The following SYNE2 variants were observed in gnomAD, a reference collection of about 807,000 sequenced individuals.
SYNE2 encodes the protein spectrin repeat containing nuclear envelope protein 2, also known as nesprin-2.
SYNE2 carries 431 observed loss-of-function variants against 856.3 expected under a neutral mutation model. The ratio of observed to expected loss-of-function variants is 0.50; its 90% confidence interval spans 0.47 to 0.55. The LOEUF is 0.55. SYNE2 is among the 20% of genes least tolerant of loss of function. The pLI, the probability that SYNE2 is intolerant of heterozygous loss-of-function variation, is 0.00. For missense variants in SYNE2, 8,129 were observed against 8,023.2 expected, an observed-to-expected ratio of 1.01 and a Z score of -0.50; for synonymous variants, 2,923 against 2,872.3, an observed-to-expected ratio of 1.02 and a Z score of -0.56.
Position 64,003,293 on chromosome 14 carries a change from G to C in SYNE2, c.4360G>C (p.Gly1454Arg). 1 of 1,614,052 alleles carries C rather than the reference G, an allele frequency of 6.2e-7. No individual in the cohort carries two copies. The highest frequency in any genetic ancestry group is 8.5e-7 in the Non-Finnish European group (1 of 1,179,992). ...TGTGCAGAGTCAAATCAGTAAAATT[G>C]GTCTTAAGGATCCTACTGTTCCAGC... Reference protein sequence around the residue: ...QDVQSQISKIGLKDPTVPAVK... With the variant: ...QDVQSQISKIRLKDPTVPAVK... Residue 1454 changes from glycine to arginine, a missense_variant, in exon 30 of 116, where the codon GGT (glycine) becomes CGT (arginine). By Grantham distance (125) the Gly-to-Arg change is moderately radical. This residue lies in a region of SYNE2 where 2,422 missense variants were observed against 2,357.4 expected (regional missense o/e 1.03). Transcript: ENST00000555002.
intron 44 of SYNE2, among the ~76,000 whole-genome samples, chr14:64,030,399 T>G (rs2097023893): frequency 1.3e-5 from 2 of 152,228 alleles, no homozygotes; most frequent in Non-Finnish European, 2.9e-5. Context: ...AGTGAATGCT[T>G]CTTGTGTAGC....
At chr14:64,054,967 G>A (rs1007846236) in intron 48 of SYNE2, among the ~76,000 whole-genome samples, 3 of 152,180 alleles carry the variant, frequency 2.0e-5, no homozygotes, top group African/African-American at 7.2e-5. Flanking sequence ...AGTAATTTGA[G>A]TATTTCTCCA....
At chr14:63,954,544 A>G (rs934702441) in intron 7 of SYNE2, among the ~76,000 whole-genome samples, 175 bp from the exon 8 acceptor site, 2 of 152,140 alleles carry the variant, frequency 1.3e-5, no homozygotes, top group Non-Finnish European at 2.9e-5. Context: ...TGGTATTTTG[A>G]GTTTCATCAA....
At chr14:63,933,101 TAGG>T (rs371637865) in intron 2 of SYNE2, among the ~76,000 whole-genome samples, 33 of 152,042 alleles carry the variant, frequency 2.2e-4, no homozygotes, top group Non-Finnish European at 3.8e-4. Flanking sequence ...AATCCAATCA[TAGG>T]AGGAGAAGAA....
intron 1 of SYNE2, among the ~76,000 whole-genome samples, chr14:63,802,578 G>A (rs1229923068): frequency 6.6e-6 from 1 of 152,202 alleles, no homozygotes; most frequent in East Asian, 1.9e-4. Context: ...ATATTTGGAA[G>A]GGGCCAGGAG....
intron 96 of SYNE2, among the ~76,000 whole-genome samples, chr14:64,182,831 A>G (rs1596044843): frequency 6.6e-6 from 1 of 152,154 alleles, no homozygotes; most frequent in African/African-American, 2.4e-5. Context: ...TCTTTTCCCC[A>G]CATTTCCCCC....
rs987132382 is a variant in SYNE2 at position 64,225,698 on chromosome 14, T to G, written c.*172T>G. 1.4e-6 allele frequency: 1 copy of G among 737,254 alleles called. No individual in the cohort carries two copies. The highest frequency in any genetic ancestry group is 2.3e-6 in the Non-Finnish European group (1 of 426,880). 45.7% of individuals were successfully genotyped at this position (737,254 alleles called of 1,614,324 possible). A position where few individuals can be genotyped will look rare whatever the true frequency, so the allele number is the denominator to read the frequency against. Reference sequence around the variant, plus strand: ...CTGGAGCCCAGGGCAGCTTTCAGATTGTGTTCCTCCCCAGGAGCAGGGAAC... The same window carrying G: ...CTGGAGCCCAGGGCAGCTTTCAGATGGTGTTCCTCCCCAGGAGCAGGGAAC... On this transcript the variant is annotated 3_prime_UTR_variant, in exon 116 of 116. Transcript: ENST00000555002.
At position 63,825,291 on chromosome 14, in the gene SYNE2, T is replaced by C. The variant is rs1015402252; in HGVS notation, c.-304-27210T>C. Among the ~76,000 whole-genome samples, 39 of 152,076 alleles carry C rather than the reference T, an allele frequency of 2.6e-4. 1 individual carries two copies. The highest frequency in any genetic ancestry group is 9.2e-4 in the African/African-American group (38 of 41,474). Reference sequence around the variant, plus strand: ...GTGAGATCAAAAAAATTACCAAGGTTGGAAGGAAAGAAGTTAAATTGTCTT... The same window carrying C: ...GTGAGATCAAAAAAATTACCAAGGTCGGAAGGAAAGAAGTTAAATTGTCTT... On this transcript the variant is annotated intron_variant, in intron 1 of 23. Coordinates refer to the SYNE2 transcript ENST00000674003.
intron 84 of SYNE2, among the ~76,000 whole-genome samples, chr14:64,147,317 T>G (rs980321611): frequency 1.3e-5 from 2 of 152,158 alleles, no homozygotes; most frequent in Non-Finnish European, 2.9e-5. Context: ...CTCATTTCCT[T>G]CTGATTCATT....
At position 63,925,506 on chromosome 14, in the gene SYNE2, A is replaced by G. The variant is rs35054238; in HGVS notation, c.80-15108A>G. Among the ~76,000 whole-genome samples, 246 of 152,346 alleles carry G rather than the reference A, an allele frequency of 1.6e-3. 1 individual carries two copies. Among genetic ancestry groups the G allele is most frequent in the Non-Finnish European group, 2.6e-3 (178 of 68,040 alleles). ...GCATTTATCCTTTGTGTTTCAAACA[A>G]TCCAGTTATACTCTGTAAGTTATTT... On this transcript the variant is annotated intron_variant, in intron 2 of 115. Transcript: ENST00000555002.
intron 96 of SYNE2, among the ~76,000 whole-genome samples, chr14:64,184,307 A>G (rs1251201126): frequency 6.8e-6 from 1 of 147,972 alleles, no homozygotes; most frequent in East Asian, 2.0e-4. Flanking sequence ...AGTCTGCCAG[A>G]GAGCCACACT....
chr14:64,219,419 G>C lies in SYNE2; in HGVS notation c.19860+9G>C. ...GAGTGAAGAGACTGCAGGTGAGTTA[G>C]AGGTGTGGTGGGGAAGAGGGATTCA... On this transcript the variant is annotated intron_variant, in intron 110 of 115. Coordinates refer to ENST00000555002, the MANE Select transcript of SYNE2 (RefSeq NM_182914.3). The C allele has an allele frequency of 6.2e-7, 1 of 1,613,690 alleles. No individual in the cohort carries two copies. The highest frequency in any genetic ancestry group is 8.5e-7 in the Non-Finnish European group (1 of 1,179,716).
chr14:64,100,531 A>AAATATAT (rs1491537041), intron 63 of SYNE2, among the ~76,000 whole-genome samples: 17 of 39,474 alleles, frequency 4.3e-4, no homozygotes, highest in South Asian at 1.1e-3. Flanking sequence ...AAAAAAAAAA[A>AAATATAT]ATATATATAT....
rs375500620 is a variant in SYNE2, at chr14:64,139,933, C to G, written c.14844-8C>G. 9.5e-5 allele frequency: 154 copies of G among 1,613,958 alleles called. 1 individual carries two copies. In the African/African-American group the frequency reaches 1.8e-3, roughly 19 times the overall value. On this transcript the variant is annotated splice_polypyrimidine_tract_variant and splice_region_variant and intron_variant, in intron 79 of 115. Transcript: ENST00000555002. ...AATCTGCCTTCTCTCTCACTTTGCT[C>G]CTGTTAGTTATAACAGAGATTCGGA... is the stretch of plus-strand genomic sequence containing the variant.
In SYNE2 at chr14:63,997,017, A is replaced by G; in HGVS notation, c.3011A>G (p.Glu1004Gly). ...ATGGAAGTCCTGAGGGAGCTGTGTG[A>G]AGAGCTGCCTTCACAGAAGAGTCAA... ...HHMEVLRELC[E>G]ELPSQKSQQE... The change falls in exon 24 of 116, where the codon GAA becomes GGA. Residue 1004 changes from glutamate to glycine, a missense_variant. This residue lies in a region of SYNE2 where 2,422 missense variants were observed against 2,357.4 expected (regional missense o/e 1.03). Transcript: ENST00000555002. 1 of 1,614,168 alleles carries G rather than the reference A, an allele frequency of 6.2e-7. No homozygotes were observed. The highest frequency in any genetic ancestry group is 8.5e-7 in the Non-Finnish European group (1 of 1,180,028).
chr14:64,048,741 C>G (rs987871316), intron 46 of SYNE2: 1 of 151,432 alleles, frequency 6.6e-6, no homozygotes, highest in African/African-American at 2.4e-5. Context: ...GACCCCATCT[C>G]TACCAAAAAA....
chr14:64,044,735 C>G (rs1446803132), intron 45 of SYNE2, among the ~76,000 whole-genome samples: 1 of 152,028 alleles, frequency 6.6e-6, no homozygotes, highest in Non-Finnish European at 1.5e-5. Context: ...TTTTAAGAAA[C>G]GGGAGTTTGC....
intron 1 of SYNE2, among the ~76,000 whole-genome samples, chr14:63,818,531 A>C (rs1320127071): frequency 6.6e-6 from 1 of 151,928 alleles, no homozygotes; most frequent in Non-Finnish European, 1.5e-5. Context: ...TATATAAATA[A>C]ATAAGTAAAC....
Position 63,868,924 on chromosome 14 carries a change from T to C in SYNE2, c.-52+15781T>C, listed in dbSNP as rs183578196. Among the ~76,000 whole-genome samples, 39 of 152,308 alleles carry C rather than the reference T, an allele frequency of 2.6e-4. No individual in the cohort carries two copies. The East Asian group carries it at 3.1e-3, about 12-fold the overall frequency. ...TCTCTGCCCCTTTGGCCTCTCCAAT[T>C]GAACTAAAACAAGACTTATTAAGTT... On this transcript the variant is annotated intron_variant, in intron 1 of 115. Coordinates refer to ENST00000555002, the MANE Select transcript of SYNE2 (RefSeq NM_182914.3).
Sources: gnomAD v4.1 joint callset for allele counts (sites outside exome capture counted in the v4.1 genomes callset) on GRCh38, gnomAD v4.1.1 for gene constraint, gnomAD v4.1.1 regional missense constraint, MANE v1.5 for transcripts, NCBI Gene and HGNC (gene_info 2026-07-23, HGNC 2026-07-21) for gene names.